DLGAP2: variants seen among roughly 807,000 people sequenced by gnomAD.
DLGAP2 encodes disks large-associated protein 2.
In DLGAP2, 26 loss-of-function variants were observed where a neutral mutation model predicts 100.3. The ratio of observed to expected loss-of-function variants is 0.26; its 90% confidence interval spans 0.19 to 0.36. The LOEUF (loss-of-function observed/expected upper bound fraction) is 0.36, where lower values mean the gene tolerates loss of function less well. Ranked by LOEUF, DLGAP2 falls within the 10% of genes least tolerant of loss-of-function variation. DLGAP2 has a pLI of 1.00. For missense variants in DLGAP2, 1,858 were observed against 1,453.2 expected, an observed-to-expected ratio of 1.28 and a Z score of -4.53; for synonymous variants, 886 against 630.1, an observed-to-expected ratio of 1.41 and a Z score of -6.08.
chr8:1,106,663 G>A lies in DLGAP2; in HGVS notation c.74-152188G>A, dbSNP rs759936387. Among the ~76,000 whole-genome samples, 6 of 150,408 alleles carry A rather than the reference G, an allele frequency of 4.0e-5. No individual in the cohort carries two copies. In the South Asian group the frequency reaches 6.4e-4, roughly 16 times the overall value. On this transcript the variant is annotated intron_variant, in intron 2 of 14. Coordinates refer to ENST00000637795, the MANE Select transcript of DLGAP2 (RefSeq NM_001346810.2). ...ATTCTAGGATGGTTTTCTATTGAAG[G>A]GAGCCATTCTAGGAGGGTTTTCTAC...
chr8:1,496,291 A>G (rs144359338), intron 3 of DLGAP2, among the ~76,000 whole-genome samples: 3 of 151,726 alleles, frequency 2.0e-5, no homozygotes, highest in African/African-American at 7.2e-5. Context: ...CGGTGGAAGC[A>G]TCACAGGGCC....
chr8:1,074,541 GCT>G (rs1803542907), intron 2 of DLGAP2, among the ~76,000 whole-genome samples: 1 of 152,192 alleles, frequency 6.6e-6, no homozygotes, highest in Non-Finnish European at 1.5e-5. Context: ...CACAGCCGAG[GCT>G]GCCCTGGCTC....
intron 14 of DLGAP2, 123 bp from the exon 15 acceptor site, chr8:1,701,065 A>G: frequency 1.2e-6 from 1 of 838,404 alleles, no homozygotes; most frequent in Non-Finnish European, 1.8e-6. Flanking sequence ...GACGGGAGTG[A>G]AGGATGCGGC....
rs1158009544 is a variant in DLGAP2 at position 1,027,887 on chromosome 8, G to C, written c.73+119921G>C. On this transcript the variant is annotated intron_variant, in intron 2 of 14. Coordinates refer to ENST00000637795, the MANE Select transcript of DLGAP2 (RefSeq NM_001346810.2). ...CAGGCGCCCGTTATTCTCCAGGTGG[G>C]GTGCCAGGCGCCCGTTATTCTCCAG... Among the ~76,000 whole-genome samples the C allele has an allele frequency of 2.8e-5, 4 of 144,414 alleles. No individual in the cohort carries two copies. The East Asian group carries it at 8.9e-4, about 32-fold the overall frequency. 94.7% of individuals were successfully genotyped at this position (144,414 alleles called of 152,430 possible).
chr8:1,365,723 A>G (rs571754784), intron 3 of DLGAP2, among the ~76,000 whole-genome samples: 1 of 152,314 alleles, frequency 6.6e-6, no homozygotes, highest in African/African-American at 2.4e-5. Context: ...CAATGTCACT[A>G]AATTTCTAAA....
intron 3 of DLGAP2, among the ~76,000 whole-genome samples, chr8:1,314,583 C>T (rs927831235): frequency 6.6e-6 from 1 of 152,216 alleles, no homozygotes; most frequent in African/African-American, 2.4e-5. Context: ...ACTCCTGTGT[C>T]ACCGCCTCTC....
chr8:997,378 A>T (rs1800810752), intron 2 of DLGAP2, among the ~76,000 whole-genome samples: 1 of 152,204 alleles, frequency 6.6e-6, no homozygotes, highest in Non-Finnish European at 1.5e-5. Flanking sequence ...TGTCCTTTTT[A>T]GATTATCTTT....
At chr8:1,416,956 C>T (rs1796904208) in intron 3 of DLGAP2, among the ~76,000 whole-genome samples, 1 of 152,148 alleles carries the variant, frequency 6.6e-6, no homozygotes, top group African/African-American at 2.4e-5. Flanking sequence ...TGAGGAGGCC[C>T]AGCTCAGTGC....
chr8:1,574,979 C>G (rs1802906426), intron 6 of DLGAP2, among the ~76,000 whole-genome samples: 1 of 152,190 alleles, frequency 6.6e-6, no homozygotes, highest in African/African-American at 2.4e-5. Flanking sequence ...GTATCTTCCA[C>G]AAACACACAC....
At chr8:1,261,996 C>G (rs1276952649) in intron 3 of DLGAP2, among the ~76,000 whole-genome samples, 3 of 152,210 alleles carry the variant, frequency 2.0e-5, no homozygotes, top group East Asian at 3.9e-4. Context: ...TTTAGCATCT[C>G]GCTTTCTTGT....
chr8:1,557,751 T>C (rs756722731), intron 5 of DLGAP2, among the ~76,000 whole-genome samples: 7 of 152,184 alleles, frequency 4.6e-5, no homozygotes, highest in Non-Finnish European at 7.3e-5. Context: ...CCCCATGTCC[T>C]CATAGGGTTG....
At chr8:1,382,714 C>G (rs903884676) in intron 3 of DLGAP2, among the ~76,000 whole-genome samples, 2 of 152,166 alleles carry the variant, frequency 1.3e-5, no homozygotes, top group African/African-American at 2.4e-5. Context: ...TGCACTCCAG[C>G]CTGGGCAACC....
rs575734626 is a variant in DLGAP2, at chr8:839,681, C to T, written c.19-68231C>T. 6.6e-5 allele frequency among the ~76,000 whole-genome samples: 10 copies of T among 152,264 alleles called. No individual in the cohort carries two copies. The South Asian group carries it at 2.1e-3, about 32-fold the overall frequency. On this transcript the variant is annotated intron_variant, in intron 1 of 14. Coordinates refer to ENST00000637795, the MANE Select transcript of DLGAP2 (RefSeq NM_001346810.2). ...CCACCTGTCCCTCTGTGTGCCTCGTCCTGGTCAGCACCCTTGCTCCCACCC... is the reference window on the plus strand; with the variant it reads ...CCACCTGTCCCTCTGTGTGCCTCGTTCTGGTCAGCACCCTTGCTCCCACCC...
chr8:1,464,064 C>T (rs1191051535), intron 3 of DLGAP2, among the ~76,000 whole-genome samples: 1 of 152,106 alleles, frequency 6.6e-6, no homozygotes, highest in African/African-American at 2.4e-5. Flanking sequence ...AATGTCGCAA[C>T]AGCCGCCTTC....
chr8:760,899 C>G (rs1017896929), intron 1 of DLGAP2, among the ~76,000 whole-genome samples: 3 of 152,160 alleles, frequency 2.0e-5, no homozygotes, highest in Admixed American at 6.5e-5. Context: ...GCGGGAGACC[C>G]TAATTCCCAG....
intron 2 of DLGAP2, among the ~76,000 whole-genome samples, chr8:986,440 A>G (rs1800489729): frequency 6.6e-6 from 1 of 152,146 alleles, no homozygotes; most frequent in African/African-American, 2.4e-5. Flanking sequence ...ACATTTTAGT[A>G]TCTTACTTTA....
intron 2 of DLGAP2, among the ~76,000 whole-genome samples, chr8:988,035 C>T (rs889370709): frequency 5.3e-5 from 8 of 152,138 alleles, no homozygotes; most frequent in Admixed American, 5.2e-4. Flanking sequence ...CCTCCATGTG[C>T]ACCTGACTGG....
chr8:1,049,006 G>A (rs1166408622), intron 2 of DLGAP2, among the ~76,000 whole-genome samples: 2 of 152,218 alleles, frequency 1.3e-5, no homozygotes, highest in Non-Finnish European at 2.9e-5. Flanking sequence ...AATTTGTAGA[G>A]TTTTCAGAAT....
chr8:1,653,329 C>G (rs1439752392), intron 8 of DLGAP2, among the ~76,000 whole-genome samples: 1 of 152,186 alleles, frequency 6.6e-6, no homozygotes, highest in African/African-American at 2.4e-5. Context: ...CAATCCTCAC[C>G]CCGCTCACGG....
Sources: allele counts gnomAD v4.1 joint callset (sites outside exome capture counted in the v4.1 genomes callset), GRCh38; gene constraint gnomAD v4.1.1; transcripts MANE v1.5; gene names NCBI Gene and HGNC (gene_info 2026-07-23, HGNC 2026-07-21).